NCAM1: variants seen among roughly 807,000 people sequenced by gnomAD.
NCAM1 encodes antigen recognized by monoclonal antibody 5.1H11.
A neutral mutation model predicts 109.8 loss-of-function variants in NCAM1; 14 were observed. That is an observed-to-expected ratio of 0.13 (90% CI 0.08 to 0.20). The LOEUF (loss-of-function observed/expected upper bound fraction) is 0.20, where lower values mean the gene tolerates loss of function less well. Among genes scored for constraint, NCAM1 ranks in the 10% least tolerant of loss-of-function variants. The pLI, the probability that NCAM1 is intolerant of heterozygous loss-of-function variation, is 1.00. For missense variants in NCAM1, 774 were observed against 1,109.9 expected (o/e 0.70, Z 4.30); for synonymous variants, 418 against 442.9 (o/e 0.94, Z 0.70).
rs1555124994 is a variant in NCAM1 at position 113,270,184 on chromosome 11, C to G, written c.2132-4C>G. On this transcript the variant is annotated splice_region_variant and splice_polypyrimidine_tract_variant and intron_variant, in intron 17 of 19. Coordinates refer to ENST00000316851, the MANE Select transcript of NCAM1 (RefSeq NM_181351.5). ...AACCACCAGCCATCTCTCTCCCACT[C>G]AAGCCAACGGCAGCCCCACCTCAGG... 1.2e-6 allele frequency: 2 copies of G among 1,613,920 alleles called. No homozygotes were observed. Among genetic ancestry groups the G allele is most frequent in the Non-Finnish European group, 8.5e-7 (1 of 1,179,882 alleles).
chr11:113,124,374 C>G (rs1230305056), intron 1 of NCAM1, among the ~76,000 whole-genome samples: 1 of 152,156 alleles, frequency 6.6e-6, no homozygotes, highest in Non-Finnish European at 1.5e-5. Flanking sequence ...TCCTTGGTCA[C>G]CAACATAGGG....
chr11:113,081,020 C>T (rs1233028855), intron 1 of NCAM1, among the ~76,000 whole-genome samples: 1 of 152,154 alleles, frequency 6.6e-6, no homozygotes, highest in East Asian at 1.9e-4. Context: ...ATTTATTTAG[C>T]CTTTACATTT....
intron 1 of NCAM1, among the ~76,000 whole-genome samples, chr11:113,048,401 T>C (rs1953345285): frequency 6.6e-6 from 1 of 152,176 alleles, no homozygotes; most frequent in Admixed American, 6.5e-5. Flanking sequence ...ACACCTCTAG[T>C]CCACCGTAGA....
At position 113,275,535 on chromosome 11, in the gene NCAM1, C is replaced by CT; in HGVS notation, c.*151dup. Reference sequence around the variant, plus strand: ...ATCTCATTTCTCTAGTGTCTTTTGCCTTTAAAAAAAACTAAACAGATAAAA... The same window carrying CT: ...ATCTCATTTCTCTAGTGTCTTTTGCCTTTTAAAAAAAACTAAACAGATAAAA... On this transcript the variant is annotated 3_prime_UTR_variant, in exon 20 of 20. Transcript: ENST00000316851. The CT allele has an allele frequency of 9.3e-7, 1 of 1,080,032 alleles. No individual in the cohort carries two copies. Among genetic ancestry groups the CT allele is most frequent in the South Asian group, 1.9e-5 (1 of 52,214 alleles). 66.9% of individuals were successfully genotyped at this position (1,080,032 alleles called of 1,614,324 possible).
At chr11:113,239,498 A>AATTTTTTTTT (rs1591448960) in intron 14 of NCAM1, among the ~76,000 whole-genome samples, 1 of 78,428 alleles carries the variant, frequency 1.3e-5, no homozygotes, top group Admixed American at 2.1e-4. Context: ...ATGAGTCTCT[A>AATTTTTTTTT]CTTTTTTTTT....
chr11:113,068,793 C>T (rs1036272374), intron 1 of NCAM1, among the ~76,000 whole-genome samples: 3 of 152,048 alleles, frequency 2.0e-5, no homozygotes, highest in Admixed American at 1.3e-4. Flanking sequence ...CCTAGAGGTG[C>T]GGTTTAGTCT....
chr11:113,026,043 C>T (rs1591260315), intron 1 of NCAM1, among the ~76,000 whole-genome samples: 1 of 152,122 alleles, frequency 6.6e-6, no homozygotes, highest in Non-Finnish European at 1.5e-5. Flanking sequence ...CTCAAGAACC[C>T]TTATTAAGTG....
intron 9 of NCAM1, among the ~76,000 whole-genome samples, chr11:113,228,421 A>G (rs1944909689): frequency 1.3e-5 from 2 of 152,346 alleles, no homozygotes; most frequent in African/African-American, 4.8e-5. Context: ...CCACTGCTCA[A>G]GGAAATAAGA....
chr11:113,099,131 G>T (rs1555091036), intron 1 of NCAM1, among the ~76,000 whole-genome samples: 1 of 152,182 alleles, frequency 6.6e-6, no homozygotes, highest in African/African-American at 2.4e-5. Context: ...CTGAGGCACA[G>T]AGATGTTCAT....
chr11:113,005,988 T>G (rs1951885959), intron 1 of NCAM1, among the ~76,000 whole-genome samples: 1 of 152,158 alleles, frequency 6.6e-6, no homozygotes, highest in Non-Finnish European at 1.5e-5. Flanking sequence ...TCTAAAGAGA[T>G]TCTGTAAGCA....
Position 112,961,515 on chromosome 11 carries a change from C to T in NCAM1, c.-98C>T, listed in dbSNP as rs782704670. ...CATACTCAGCCTGGCAATTGTCTGCCCCTAGGTCTGTCGCTCAGCCGCCGT... is the reference window on the plus strand; with the variant it reads ...CATACTCAGCCTGGCAATTGTCTGCTCCTAGGTCTGTCGCTCAGCCGCCGT... On this transcript the variant is annotated 5_prime_UTR_variant, in exon 1 of 20. Coordinates refer to ENST00000316851, the MANE Select transcript of NCAM1 (RefSeq NM_181351.5). The T allele has an allele frequency of 8.4e-6, 7 of 830,428 alleles. No homozygotes were observed. The highest frequency in any genetic ancestry group is 5.1e-5 in the Admixed American group (3 of 58,988). 51.4% of individuals were successfully genotyped at this position (830,428 alleles called of 1,614,324 possible). A position where few individuals can be genotyped will look rare whatever the true frequency, so the allele number is the denominator to read the frequency against.
At chr11:113,227,112 A>G (rs1318726327) in intron 9 of NCAM1, among the ~76,000 whole-genome samples, 1 of 152,206 alleles carries the variant, frequency 6.6e-6, no homozygotes, top group Non-Finnish European at 1.5e-5. Flanking sequence ...GAGACACAAA[A>G]AACCCTTCAA....
intron 1 of NCAM1, among the ~76,000 whole-genome samples, chr11:113,049,983 G>GA (rs1329081491): frequency 1.3e-5 from 2 of 152,272 alleles, no homozygotes; most frequent in Non-Finnish European, 2.9e-5. Flanking sequence ...CTGAATGCCT[G>GA]AAAAAGAATG....
chr11:113,171,029 G>C (rs1942971504), intron 1 of NCAM1, among the ~76,000 whole-genome samples: 1 of 152,132 alleles, frequency 6.6e-6, no homozygotes, highest in African/African-American at 2.4e-5. Flanking sequence ...GGTTCAAGAG[G>C]GAGCAGGAGA....
At position 112,963,969 on chromosome 11, in the gene NCAM1, G is replaced by T. The variant is rs1414541611; in HGVS notation, c.52+2305G>T. Among the ~76,000 whole-genome samples the T allele has an allele frequency of 6.6e-6, 1 of 152,040 alleles. No individual in the cohort carries two copies. Among genetic ancestry groups the T allele is most frequent in the Non-Finnish European group, 1.5e-5 (1 of 67,988 alleles). On this transcript the variant is annotated intron_variant, in intron 1 of 19. Coordinates refer to ENST00000316851, the MANE Select transcript of NCAM1 (RefSeq NM_181351.5). This position sits in a 1 kb window ranked among gnomAD's most constrained non-coding sequence, Gnocchi z 4.6. ...ACACATACAAGGTTGCTTAACAAAAGAAAGAAGTTGAATGGTTTTCCAAAG... is the reference window on the plus strand; with the variant it reads ...ACACATACAAGGTTGCTTAACAAAATAAAGAAGTTGAATGGTTTTCCAAAG...
At chr11:113,017,635 T>TTGTGTGTGTGTGTGTGTG (rs71698389) in intron 1 of NCAM1, among the ~76,000 whole-genome samples, 3,482 of 145,218 alleles carry the variant, frequency 0.024, 64 homozygotes, top group African/African-American at 0.04. Flanking sequence ...CAGTACTGTT[T>TTGTGTGTGTGTGTGTGTG]TGTGTGTGTG....
intron 1 of NCAM1, among the ~76,000 whole-genome samples, chr11:112,988,162 C>T (rs1437865693): frequency 6.6e-6 from 1 of 152,064 alleles, no homozygotes; most frequent in Non-Finnish European, 1.5e-5. Context: ...CACACAAAAC[C>T]TCTACACTTT....
At chr11:112,977,977 T>C (rs1332331085) in intron 1 of NCAM1, among the ~76,000 whole-genome samples, 1 of 151,870 alleles carries the variant, frequency 6.6e-6, no homozygotes. Context: ...TACTGGAGAA[T>C]TAGTGCAGTG....
chr11:113,231,840 C>T (rs1555117321), intron 10 of NCAM1, 45 bp downstream of exon 10: 2 of 1,609,932 alleles, frequency 1.2e-6, no homozygotes, highest in African/African-American at 1.3e-5. Context: ...AGGGGCAAGG[C>T]AGGGTCAGGA....
Sources: allele counts gnomAD v4.1 joint callset (sites outside exome capture counted in the v4.1 genomes callset), GRCh38; gene constraint gnomAD v4.1.1; non-coding constraint Gnocchi (gnomAD v3.1); transcripts MANE v1.5; gene names NCBI Gene and HGNC (gene_info 2026-07-23, HGNC 2026-07-21).